BORA: variants seen among roughly 807,000 people sequenced by gnomAD.
The protein encoded by BORA is protein aurora borealis.
BORA carries 26 observed loss-of-function variants against 55.8 expected under a neutral mutation model. That is an observed-to-expected ratio of 0.47 (90% CI 0.34 to 0.65). The LOEUF (loss-of-function observed/expected upper bound fraction) is 0.65, where lower values mean the gene tolerates loss of function less well. BORA is among the 30% of genes least tolerant of loss of function. The pLI is 0.01. For synonymous variants in BORA, 201 were observed against 216.9 expected (o/e 0.93, Z 0.64); for missense variants, 568 against 671.5 (o/e 0.85, Z 1.70).
In BORA at chr13:72,743,958, A is replaced by C. The variant is rs558072203; in HGVS notation, c.454+356A>C. Among the ~76,000 whole-genome samples the C allele has an allele frequency of 2.2e-4, 33 of 152,190 alleles. 1 individual carries two copies. Among genetic ancestry groups the C allele is most frequent in the South Asian group, 4.2e-4 (2 of 4,818 alleles). On this transcript the variant is annotated intron_variant, in intron 6 of 11. Coordinates refer to ENST00000390667, the MANE Select transcript of BORA (RefSeq NM_024808.5). ...CGCCATGTTGCCCAGGCTGGTCTCGAACTCCTGGGCTCAAGCGATCTGCCC... is the reference window on the plus strand; with the variant it reads ...CGCCATGTTGCCCAGGCTGGTCTCGCACTCCTGGGCTCAAGCGATCTGCCC...
At chr13:72,743,504 A>C (rs1205405227) in intron 5 of BORA, 33 bp from the exon 6 acceptor site, 1 of 1,525,238 alleles carries the variant, frequency 6.6e-7, no homozygotes, top group Admixed American at 1.8e-5. Context: ...AAGAGTATAA[A>C]ACATAGGATT....
chr13:72,748,664 T>C (rs548626792), intron 10 of BORA, among the ~76,000 whole-genome samples: 1 of 152,306 alleles, frequency 6.6e-6, no homozygotes, highest in Admixed American at 6.5e-5. Flanking sequence ...AAAGCACATA[T>C]AGGCTTAAAA....
Position 72,746,547 on chromosome 13 carries a change from A to T in BORA, c.918A>T (p.Thr306=), listed in dbSNP as rs1410031126. 1 of 1,613,784 alleles carries T rather than the reference A, an allele frequency of 6.2e-7. No individual in the cohort carries two copies. The highest frequency in any genetic ancestry group is 8.5e-7 in the Non-Finnish European group (1 of 1,179,830). Residue 306 remains threonine, a synonymous_variant, in exon 10 of 12, where the codon ACA becomes ACT. Transcript: ENST00000390667. ...ATTCTCCTGATGCTTCATCTGGAACAAATTCTAATGGGATAACTAATCCGT... is the reference window on the plus strand; with the variant it reads ...ATTCTCCTGATGCTTCATCTGGAACTAATTCTAATGGGATAACTAATCCGT... ...TVHSPDASSG[T]NSNGITNPCI... is the part of the protein sequence containing the mutation.
At chr13:72,749,895 G>A (rs2033230011) in intron 10 of BORA, among the ~76,000 whole-genome samples, 1 of 152,034 alleles carries the variant, frequency 6.6e-6, no homozygotes, top group African/African-American at 2.4e-5. Context: ...ATGCTTTCAT[G>A]ATTCCATGCA....
rs2033081429 is a variant in BORA at position 72,743,610 on chromosome 13, T to G, written c.454+8T>G. The G allele has an allele frequency of 2.5e-6, 4 of 1,577,228 alleles. No homozygotes were observed. The highest frequency in any genetic ancestry group is 3.1e-5 in the African/African-American group (2 of 63,672). ...ATTCTGAGAAAAGCGATGGTGAGTA[T>G]GAACACAATTTGAAAAGAAGGATGT... On this transcript the variant is annotated splice_region_variant and intron_variant, in intron 6 of 11. Coordinates refer to ENST00000390667, the MANE Select transcript of BORA (RefSeq NM_024808.5).
At chr13:72,749,312 G>A (rs535991495) in intron 10 of BORA, among the ~76,000 whole-genome samples, 1 of 152,012 alleles carries the variant, frequency 6.6e-6, no homozygotes, top group East Asian at 1.9e-4. Context: ...TGTCTACAGG[G>A]TTCTGAAATT....
intron 10 of BORA, among the ~76,000 whole-genome samples, chr13:72,750,348 A>G (rs1461266395): frequency 2.0e-5 from 3 of 152,238 alleles, no homozygotes; most frequent in Non-Finnish European, 2.9e-5. Context: ...AAGGAAGGTT[A>G]AAGAAGAAGT....
rs1377990558 is a variant in BORA, at chr13:72,753,951, T to C, written c.1614+130T>C. 20 of 937,786 alleles carry C rather than the reference T, an allele frequency of 2.1e-5. No homozygotes were observed. The East Asian group carries it at 5.1e-4, about 24-fold the overall frequency. The allele number at this position is 937,786 out of a possible 1,614,324, so 58.1% of individuals were successfully genotyped here. ...AACACTAAAAGGTAAGCCTGTTTTC[T>C]TAACATCCAATAACCTTTAAATATT... On this transcript the variant is annotated intron_variant, in intron 11 of 11. Coordinates refer to ENST00000390667, the MANE Select transcript of BORA (RefSeq NM_024808.5).
At chr13:72,748,987 T>A (rs1399244540) in intron 10 of BORA, among the ~76,000 whole-genome samples, 1 of 152,184 alleles carries the variant, frequency 6.6e-6, no homozygotes, top group African/African-American at 2.4e-5. Context: ...ATATGTTATG[T>A]GATACCCCCC....
chr13:72,744,852 T>C (rs902879565), intron 7 of BORA, 129 bp from the exon 8 acceptor site: 10 of 784,246 alleles, frequency 1.3e-5, no homozygotes, highest in Non-Finnish European at 2.0e-5. Flanking sequence ...AATATGCAAT[T>C]AAACTTTGCC....
At position 72,735,797 on chromosome 13, in the gene BORA, C is replaced by T. The variant is rs560166909; in HGVS notation, c.306+792C>T. Among the ~76,000 whole-genome samples, 7 of 152,010 alleles carry T rather than the reference C, an allele frequency of 4.6e-5. No homozygotes were observed. The East Asian group carries it at 5.8e-4, about 13-fold the overall frequency. ...GCTAATTTTGTATTTTTAGTAGAGA[C>T]GGGATTTCTCCATCTTGGTCAAGCT... is the stretch of plus-strand genomic sequence containing the variant. On this transcript the variant is annotated intron_variant, in intron 4 of 11. Transcript: ENST00000390667.
intron 10 of BORA, among the ~76,000 whole-genome samples, chr13:72,749,055 T>G (rs2033210396): frequency 1.3e-5 from 2 of 152,180 alleles, no homozygotes; most frequent in Admixed American, 1.3e-4. Flanking sequence ...TAAAAATGTT[T>G]CATACATTAC....
intron 5 of BORA, among the ~76,000 whole-genome samples, chr13:72,741,896 G>A (rs1043643426): frequency 1.3e-5 from 2 of 152,202 alleles, no homozygotes; most frequent in Non-Finnish European, 2.9e-5. Flanking sequence ...TTTCTTGTTT[G>A]TTTGTTTTAG....
chr13:72,742,384 T>G (rs1487360268), intron 5 of BORA, among the ~76,000 whole-genome samples: 1 of 151,992 alleles, frequency 6.6e-6, no homozygotes, highest in East Asian at 1.9e-4. Context: ...AACTTTAGAG[T>G]TAAAATAATT....
chr13:72,734,761 A>G (rs547156609), intron 3 of BORA, among the ~76,000 whole-genome samples, 199 bp from the exon 4 acceptor site: 18 of 152,288 alleles, frequency 1.2e-4, no homozygotes, highest in African/African-American at 4.1e-4. Flanking sequence ...AGGTAAGCCT[A>G]ACAGCTAACT....
chr13:72,744,509 T>C lies in BORA; in HGVS notation c.459T>C (p.Ala153=). 1 of 1,610,544 alleles carries C rather than the reference T, an allele frequency of 6.2e-7. No individual in the cohort carries two copies. The highest frequency in any genetic ancestry group is 8.5e-7 in the Non-Finnish European group (1 of 1,177,742). ...LTIHSEKSDA[A]CQTLLSLPVD... ...TATTTATTTGCTTGTTTCCAGCTGC[T>C]TGTCAGACATTGCTGTCTCTTCCTG... Residue 153 remains alanine (A), a synonymous_variant, in exon 7 of 12, where the codon GCT becomes GCC. Transcript: ENST00000390667.
chr13:72,755,577 A>C lies in BORA; in HGVS notation c.*361A>C, dbSNP rs748923025. On this transcript the variant is annotated 3_prime_UTR_variant, in exon 12 of 12. Coordinates refer to ENST00000390667, the MANE Select transcript of BORA (RefSeq NM_024808.5). ...AGCAGTTCTGAGAACATGTGAAACTATGTTAAAACTGAAGGCACTATATAT... is the reference window on the plus strand; with the variant it reads ...AGCAGTTCTGAGAACATGTGAAACTCTGTTAAAACTGAAGGCACTATATAT... 39 of 333,266 alleles carry C rather than the reference A, an allele frequency of 1.2e-4. No individual in the cohort carries two copies. Among genetic ancestry groups the C allele is most frequent in the Non-Finnish European group, 2.0e-4 (38 of 186,634 alleles). The allele number at this position is 333,266 out of a possible 1,614,324, so 20.6% of individuals were successfully genotyped here. A position where few individuals can be genotyped will look rare whatever the true frequency, so the allele number is the denominator to read the frequency against.
chr13:72,746,057 A>G lies in BORA; in HGVS notation c.852A>G (p.Ile284Met). ...CTTTCTCACCAATTGAATTTCAGATAGGAGAGACTCCACTCTCAGGTATGT... is the reference window on the plus strand; with the variant it reads ...CTTTCTCACCAATTGAATTTCAGATGGGAGAGACTCCACTCTCAGGTATGT... ...SPTFSPIEFQ[I>M]GETPLSEQRK... is the part of the protein sequence containing the mutation. The change falls in exon 9 of 12, where the codon ATA (isoleucine) becomes ATG (methionine). Residue 284 changes from isoleucine to methionine, a missense_variant. Physicochemically the swap from Ile to Met is conservative, Grantham distance 10. Transcript: ENST00000390667. The G allele has an allele frequency of 6.2e-7, 1 of 1,611,138 alleles. No individual in the cohort carries two copies. Among genetic ancestry groups the G allele is most frequent in the Non-Finnish European group, 8.5e-7 (1 of 1,177,486 alleles).
intron 5 of BORA, among the ~76,000 whole-genome samples, chr13:72,742,763 TATATACACACAC>T (rs1407063313): frequency 3.3e-4 from 15 of 45,908 alleles, no homozygotes; most frequent in African/African-American, 8.3e-4. Flanking sequence ...GATATATATA[TATATACACACAC>T]ACACACACAC....
Sources: allele counts gnomAD v4.1 joint callset (sites outside exome capture counted in the v4.1 genomes callset), GRCh38; gene constraint gnomAD v4.1.1; transcripts MANE v1.5; gene names NCBI Gene and HGNC (gene_info 2026-07-23, HGNC 2026-07-21).